Variants in NEBL observed in about 807,000 individuals in gnomAD.
NEBL encodes the protein LIM and SH3 protein 2.
In NEBL, 122 loss-of-function variants were observed where a neutral mutation model predicts 140.2. The ratio of observed to expected loss-of-function variants is 0.87; its 90% CI spans 0.75 to 1.01. The LOEUF (loss-of-function observed/expected upper bound fraction) is 1.01, where lower values mean the gene tolerates loss of function less well. Ranked by LOEUF, NEBL falls within the 50% of genes least tolerant of loss-of-function variation. The probability of loss-of-function intolerance (pLI) is 0.00; values close to 1 mark genes in which losing one functional copy is unlikely to be tolerated. For synonymous variants in NEBL, 436 were observed against 398.9 expected (o/e 1.09, Z -1.11); for missense variants, 1,365 against 1,231.3 (o/e 1.11, Z -1.62).
chr10:21,204,280 A>G (rs1002688335), intron 3 of NEBL, among the ~76,000 whole-genome samples: 4 of 152,168 alleles, frequency 2.6e-5, no homozygotes, highest in African/African-American at 9.7e-5. Context: ...TTGTCCCCTC[A>G]AAATTCATAC....
intron 3 of NEBL, among the ~76,000 whole-genome samples, chr10:21,227,711 T>TCC (rs1842179295): frequency 2.2e-5 from 1 of 46,426 alleles, no homozygotes; most frequent in Admixed American, 2.4e-4. Flanking sequence ...CTTCTTCTTC[T>TCC]TTCTTCTTCT....
At chr10:20,878,751 T>A (rs780628122) in intron 5 of NEBL, among the ~76,000 whole-genome samples, 1 of 152,192 alleles carries the variant, frequency 6.6e-6, no homozygotes, top group African/African-American at 2.4e-5. Context: ...TTGAGTCAAG[T>A]CGGCAGAGGA....
At position 20,809,711 on chromosome 10, in the gene NEBL, T is replaced by C. The variant is rs1837940649; in HGVS notation, c.2611+95A>G. 26 of 1,016,350 alleles carry C rather than the reference T, an allele frequency of 2.6e-5. No individual in the cohort carries two copies. The South Asian group carries it at 3.5e-4, about 14-fold the overall frequency. 63.0% of individuals were successfully genotyped at this position (1,016,350 alleles called of 1,614,324 possible). On this transcript the variant is annotated intron_variant, in intron 25 of 27. Coordinates refer to ENST00000377122, the MANE Select transcript of NEBL (RefSeq NM_006393.3). ...TTTGCCAAATTCTCAGCTTTAAAAT[T>C]TACATTACACAGTACAATGAACCTC...
At chr10:20,795,966 TG>T (rs1323852730) in intron 26 of NEBL, among the ~76,000 whole-genome samples, 2 of 152,242 alleles carry the variant, frequency 1.3e-5, no homozygotes, top group Non-Finnish European at 2.9e-5. Context: ...CTTTATTGCC[TG>T]TGAACTGCAA....
intron 13 of NEBL, among the ~76,000 whole-genome samples, chr10:20,836,742 G>A (rs1840931981): frequency 6.6e-6 from 1 of 152,106 alleles, no homozygotes; most frequent in Admixed American, 6.5e-5. Context: ...CTCTGGCCTT[G>A]CAGAGAGTCC....
At chr10:20,887,578 G>A (rs79663677) in intron 4 of NEBL, among the ~76,000 whole-genome samples, 1,715 of 151,874 alleles carry the variant, frequency 0.011, 30 homozygotes, top group African/African-American at 0.04. Flanking sequence ...GCCAACAAAC[G>A]GCTAATTTTT....
chr10:20,918,691 A>T (rs1022642468), intron 4 of NEBL, among the ~76,000 whole-genome samples: 7 of 145,290 alleles, frequency 4.8e-5, no homozygotes, highest in Admixed American at 1.4e-4. Flanking sequence ...TACTAAAAAT[A>T]AAAAAAAAAA....
chr10:20,986,565 C>T (rs1359767515), intron 3 of NEBL, among the ~76,000 whole-genome samples: 1 of 152,154 alleles, frequency 6.6e-6, no homozygotes, highest in Non-Finnish European at 1.5e-5. Context: ...ACAAATGATA[C>T]CTAAAATCCC....
intron 2 of NEBL, among the ~76,000 whole-genome samples, chr10:21,096,882 C>T (rs759995367): frequency 1.5e-4 from 23 of 151,982 alleles, no homozygotes; most frequent in Non-Finnish European, 3.4e-4. Flanking sequence ...CTTATCTCTC[C>T]TTTTTGCATC....
At chr10:21,065,081 C>T (rs961994586) in intron 2 of NEBL, among the ~76,000 whole-genome samples, 3 of 152,014 alleles carry the variant, frequency 2.0e-5, no homozygotes, top group African/African-American at 4.8e-5. Context: ...TTTTACTGAA[C>T]AATAAGATTT....
At chr10:20,862,918 T>C (rs1843869797) in intron 7 of NEBL, among the ~76,000 whole-genome samples, 1 of 152,156 alleles carries the variant, frequency 6.6e-6, no homozygotes, top group Non-Finnish European at 1.5e-5. Flanking sequence ...TAGGTGTATG[T>C]ATTATATTTA....
chr10:20,969,391 C>T (rs1399899631), intron 3 of NEBL, among the ~76,000 whole-genome samples: 1 of 151,026 alleles, frequency 6.6e-6, no homozygotes, highest in Admixed American at 6.6e-5. Flanking sequence ...CCCAGAGGCT[C>T]TTAGTGATAT....
At chr10:21,083,750 C>G (rs1173920654) in intron 2 of NEBL, among the ~76,000 whole-genome samples, 1 of 152,140 alleles carries the variant, frequency 6.6e-6, no homozygotes, top group African/African-American at 2.4e-5. Context: ...GAGGCTGAGG[C>G]AAGAGGATGA....
intron 3 of NEBL, among the ~76,000 whole-genome samples, chr10:20,962,723 T>C (rs993156388): frequency 6.6e-6 from 1 of 152,190 alleles, no homozygotes; most frequent in Non-Finnish European, 1.5e-5. Flanking sequence ...AAACATATTT[T>C]GATAATCCAT....
chr10:20,816,343 A>G (rs890585855), intron 21 of NEBL, among the ~76,000 whole-genome samples: 1 of 152,230 alleles, frequency 6.6e-6, no homozygotes, highest in African/African-American at 2.4e-5. Context: ...GACTGGTACT[A>G]CATGGTCGTG....
chr10:20,951,650 A>C lies in NEBL; in HGVS notation c.357+10022T>G, dbSNP rs1469395251. Reference sequence around the variant, plus strand: ...ACTCAACTATTACTCTTAAGAACTAAGAAAACAACAGGTTTTAAACCTGCC... The same window carrying C: ...ACTCAACTATTACTCTTAAGAACTACGAAAACAACAGGTTTTAAACCTGCC... On this transcript the variant is annotated intron_variant, in intron 4 of 6. Coordinates refer to the NEBL transcript ENST00000417816. Among the ~76,000 whole-genome samples, 3 of 152,190 alleles carry C rather than the reference A, an allele frequency of 2.0e-5. No homozygotes were observed. In the East Asian group the frequency reaches 5.8e-4, roughly 29 times the overall value.
At chr10:21,273,505 C>G (rs1842882700) in intron 1 of NEBL, among the ~76,000 whole-genome samples, 1 of 152,204 alleles carries the variant, frequency 6.6e-6, no homozygotes, top group African/African-American at 2.4e-5. Flanking sequence ...AGCCTTTGGG[C>G]TGAGATCCAA....
intron 11 of NEBL, among the ~76,000 whole-genome samples, chr10:20,849,908 C>T (rs1271530819): frequency 6.6e-6 from 1 of 151,960 alleles, no homozygotes; most frequent in African/African-American, 2.4e-5. Context: ...AGCATCATTA[C>T]TTTGAGGACT....
intron 2 of NEBL, among the ~76,000 whole-genome samples, chr10:21,027,715 G>C (rs1021596452): frequency 2.0e-5 from 3 of 152,136 alleles, no homozygotes; most frequent in Non-Finnish European, 4.4e-5. Context: ...TGAGTTAGGA[G>C]AGAGACCAAT....
Sources: gnomAD v4.1 joint callset for allele counts (sites outside exome capture counted in the v4.1 genomes callset) on GRCh38, gnomAD v4.1.1 for gene constraint, MANE v1.5 for transcripts, NCBI Gene and HGNC (gene_info 2026-07-23, HGNC 2026-07-21) for gene names.